Variants in KCND2 observed in about 807,000 individuals in gnomAD.
The protein encoded by KCND2 is potassium voltage-gated channel subfamily D member 2.
A neutral mutation model predicts 54.4 loss-of-function variants in KCND2; 16 were observed. That is an observed-to-expected ratio of 0.29 (90% CI 0.20 to 0.45). The LOEUF (loss-of-function observed/expected upper bound fraction) is 0.45, where lower values mean the gene tolerates loss of function less well. Ranked by LOEUF, KCND2 falls within the 20% of genes least tolerant of loss-of-function variation. The pLI, the probability that KCND2 is intolerant of heterozygous loss-of-function variation, is 1.00. For synonymous variants in KCND2, 317 were observed against 310.7 expected (o/e 1.02, Z -0.21); for missense variants, 486 against 824.2 (o/e 0.59, Z 5.02).
intron 1 of KCND2, among the ~76,000 whole-genome samples, chr7:120,278,804 A>C (rs906073633): frequency 6.6e-5 from 10 of 151,844 alleles, no homozygotes; most frequent in African/African-American, 4.8e-5. Flanking sequence ...AGGCTACTTA[A>C]TTTCCTACTA....
chr7:120,483,459 A>G (rs1802635800), intron 1 of KCND2, among the ~76,000 whole-genome samples: 1 of 152,214 alleles, frequency 6.6e-6, no homozygotes, highest in African/African-American at 2.4e-5. Context: ...AGTGATAGGT[A>G]AAACAATAGA....
chr7:120,722,288 ACCAGG>A (rs1469183250), intron 1 of KCND2, among the ~76,000 whole-genome samples: 1 of 152,166 alleles, frequency 6.6e-6, no homozygotes, highest in Non-Finnish European at 1.5e-5. Context: ...GAGTGAGAAC[ACCAGG>A]CCTTTCTGAG....
intron 1 of KCND2, among the ~76,000 whole-genome samples, chr7:120,700,417 G>A (rs1473423499): frequency 6.6e-6 from 1 of 152,168 alleles, no homozygotes; most frequent in Non-Finnish European, 1.5e-5. Flanking sequence ...TTAACTGAGA[G>A]ACAGCCTGCT....
chr7:120,403,618 C>T (rs1801300888), intron 1 of KCND2, among the ~76,000 whole-genome samples: 2 of 151,654 alleles, frequency 1.3e-5, no homozygotes, highest in South Asian at 2.1e-4. Context: ...GCATGAGCCA[C>T]CATGCCAGGT....
chr7:120,354,113 C>G (rs1464079264), intron 1 of KCND2, among the ~76,000 whole-genome samples: 1 of 151,940 alleles, frequency 6.6e-6, no homozygotes, highest in Non-Finnish European at 1.5e-5. Context: ...ACAAACTGAA[C>G]CAGCCATTTT....
At chr7:120,662,669 C>A (rs1791881026) in intron 1 of KCND2, among the ~76,000 whole-genome samples, 1 of 152,120 alleles carries the variant, frequency 6.6e-6, no homozygotes, top group African/African-American at 2.4e-5. Context: ...TCTTCAAATT[C>A]TCTTTGCCTT....
intron 1 of KCND2, among the ~76,000 whole-genome samples, chr7:120,500,346 C>T (rs1369906896): frequency 6.6e-6 from 1 of 152,124 alleles, no homozygotes; most frequent in Non-Finnish European, 1.5e-5. Context: ...ATGTTCATGT[C>T]CCTTAGGTAC....
chr7:120,490,134 A>G (rs937338699), intron 1 of KCND2, among the ~76,000 whole-genome samples: 18 of 152,182 alleles, frequency 1.2e-4, no homozygotes, highest in African/African-American at 4.3e-4. Context: ...CTGGCCAAGC[A>G]TATTACCAAC....
In KCND2 at chr7:120,287,214, A is replaced by G. The variant is rs149154991; in HGVS notation, c.1115+11467A>G. ...ACAAATTTTTATAAAGCAAAGTGAT[A>G]ATATGTATACACATAAAGGTGTTTT... On this transcript the variant is annotated intron_variant, in intron 1 of 5. Coordinates refer to ENST00000331113, the MANE Select transcript of KCND2 (RefSeq NM_012281.3). 1.8e-4 allele frequency among the ~76,000 whole-genome samples: 27 copies of G among 152,242 alleles called. No homozygotes were observed. The East Asian group carries it at 3.3e-3, about 19-fold the overall frequency.
intron 1 of KCND2, among the ~76,000 whole-genome samples, chr7:120,574,658 G>A (rs1792405182): frequency 6.6e-6 from 1 of 151,902 alleles, no homozygotes; most frequent in Non-Finnish European, 1.5e-5. Context: ...GTTTTTGTTA[G>A]ACTGAGGTGC....
At chr7:120,447,632 T>G (rs1384803625) in intron 1 of KCND2, among the ~76,000 whole-genome samples, 1 of 152,152 alleles carries the variant, frequency 6.6e-6, no homozygotes. Context: ...TTTGTATTCT[T>G]ACCTGCAGCT....
intron 1 of KCND2, among the ~76,000 whole-genome samples, chr7:120,640,572 A>AT (rs769429760): frequency 2.0e-5 from 3 of 152,116 alleles, no homozygotes; most frequent in African/African-American, 7.2e-5. Context: ...TATGTTAGTC[A>AT]TTTTGTGAAT....
chr7:120,416,813 T>C (rs1222347475), intron 1 of KCND2, among the ~76,000 whole-genome samples: 1 of 151,620 alleles, frequency 6.6e-6, no homozygotes, highest in Non-Finnish European at 1.5e-5. Flanking sequence ...TAAAAATAAT[T>C]ATAATCAGTT....
chr7:120,376,008 A>T (rs961723104), intron 1 of KCND2, among the ~76,000 whole-genome samples: 3 of 151,826 alleles, frequency 2.0e-5, no homozygotes, highest in Non-Finnish European at 4.4e-5. Flanking sequence ...AACCAAGCGT[A>T]GGCAGAGCCA....
At chr7:120,444,055 A>G (rs531645239) in intron 1 of KCND2, among the ~76,000 whole-genome samples, 1 of 152,116 alleles carries the variant, frequency 6.6e-6, no homozygotes, top group African/African-American at 2.4e-5. Flanking sequence ...TCATACCCTT[A>G]TCCATGATGC....
chr7:120,274,272 A>C lies in KCND2; in HGVS notation c.-361A>C. ...TCCACATACTGACCCTATATTATCC[A>C]GACTGTGCCGGGGAGAAATCAAAAA... On this transcript the variant is annotated 5_prime_UTR_variant, in exon 1 of 6. Transcript: ENST00000331113. The C allele has an allele frequency of 5.0e-6, 2 of 396,922 alleles. No individual in the cohort carries two copies. The highest frequency in any genetic ancestry group is 5.6e-5 in the East Asian group (1 of 17,814). The allele number at this position is 396,922 out of a possible 1,614,324, so 24.6% of individuals were successfully genotyped here.
chr7:120,618,236 G>A (rs1289057620), intron 1 of KCND2, among the ~76,000 whole-genome samples: 3 of 152,158 alleles, frequency 2.0e-5, no homozygotes, highest in African/African-American at 7.2e-5. Context: ...CCAAATAAGT[G>A]AAATGAGTCA....
chr7:120,621,837 G>GAT (rs1793102868), intron 1 of KCND2, among the ~76,000 whole-genome samples: 1 of 152,142 alleles, frequency 6.6e-6, no homozygotes, highest in African/African-American at 2.4e-5. Flanking sequence ...GTCATTGACT[G>GAT]ATGAAGGCAG....
At chr7:120,625,279 G>A (rs1793151579) in intron 1 of KCND2, among the ~76,000 whole-genome samples, 1 of 152,200 alleles carries the variant, frequency 6.6e-6, no homozygotes, top group Non-Finnish European at 1.5e-5. Context: ...CAAGGCAACT[G>A]CCATTAACAG....
Sources: allele counts gnomAD v4.1 joint callset (sites outside exome capture counted in the v4.1 genomes callset), GRCh38; gene constraint gnomAD v4.1.1; transcripts MANE v1.5; gene names NCBI Gene and HGNC (gene_info 2026-07-23, HGNC 2026-07-21).